The following GRID1 variants were observed in gnomAD, a reference collection of about 807,000 sequenced individuals.
GRID1 encodes glutamate ionotropic receptor delta type subunit 1, also known as glutamate receptor ionotropic, delta-1.
Under a neutral mutation model 98.0 loss-of-function variants are expected in GRID1, and 28 were observed. The ratio of observed to expected loss-of-function variants is 0.29; its 90% CI spans 0.21 to 0.39. GRID1 has a LOEUF of 0.39. GRID1 is among the 10% of genes least tolerant of loss of function. The probability of loss-of-function intolerance (pLI) is 1.00; values close to 1 mark genes in which losing one functional copy is unlikely to be tolerated. For missense variants in GRID1, 1,111 were observed against 1,340.5 expected (o/e 0.83, Z 2.67); for synonymous variants, 553 against 538.5 (o/e 1.03, Z -0.37).
chr10:86,118,575 G>C (rs1365836095), intron 4 of GRID1, among the ~76,000 whole-genome samples: 1 of 152,190 alleles, frequency 6.6e-6, no homozygotes, highest in East Asian at 1.9e-4. Context: ...CCACTCTTGA[G>C]AGATGGAGTG....
At chr10:86,274,360 G>C (rs532735531) in intron 2 of GRID1, among the ~76,000 whole-genome samples, 3 of 152,270 alleles carry the variant, frequency 2.0e-5, no homozygotes, top group Admixed American at 6.5e-5. Flanking sequence ...CTCCAGCTTT[G>C]TTCTTTTGGC....
intron 12 of GRID1, among the ~76,000 whole-genome samples, chr10:85,708,352 C>T (rs1172457213): frequency 1.3e-5 from 2 of 150,556 alleles, no homozygotes; most frequent in Non-Finnish European, 3.0e-5. Flanking sequence ...TGCAGTGAGC[C>T]GAGATTGTGC....
chr10:85,882,176 G>C (rs926541904), intron 5 of GRID1, among the ~76,000 whole-genome samples: 8 of 152,190 alleles, frequency 5.3e-5, no homozygotes, highest in African/African-American at 1.9e-4. Context: ...CCATTGGTGG[G>C]ACTGTAAACT....
intron 3 of GRID1, among the ~76,000 whole-genome samples, chr10:86,173,500 T>G (rs1402495395): frequency 6.6e-6 from 1 of 152,164 alleles, no homozygotes; most frequent in Non-Finnish European, 1.5e-5. Flanking sequence ...AGTCTATACA[T>G]ATAGCCAATT....
At chr10:85,888,747 T>A (rs1044881431) in intron 5 of GRID1, among the ~76,000 whole-genome samples, 2 of 152,208 alleles carry the variant, frequency 1.3e-5, no homozygotes, top group African/African-American at 4.8e-5. Context: ...GCTTTCCTTT[T>A]GTTTTTACTA....
intron 2 of GRID1, among the ~76,000 whole-genome samples, chr10:86,291,819 A>G (rs968181770): frequency 1.3e-5 from 2 of 152,210 alleles, no homozygotes; most frequent in African/African-American, 4.8e-5. Flanking sequence ...ACACGGACAC[A>G]GCACAGCAAG....
chr10:86,299,333 T>TTC (rs1212452007), intron 2 of GRID1, among the ~76,000 whole-genome samples: 2 of 150,150 alleles, frequency 1.3e-5, no homozygotes, highest in African/African-American at 4.9e-5. Context: ...CTCTATTTCT[T>TTC]TTTTTTTTTT....
chr10:86,121,376 T>A (rs961168292), intron 4 of GRID1, among the ~76,000 whole-genome samples: 6 of 146,978 alleles, frequency 4.1e-5, no homozygotes, highest in Non-Finnish European at 6.0e-5. Flanking sequence ...AACACCACCA[T>A]CTCACCATCA....
At chr10:85,705,426 A>C (rs888875898) in intron 12 of GRID1, among the ~76,000 whole-genome samples, 5 of 152,230 alleles carry the variant, frequency 3.3e-5, no homozygotes, top group African/African-American at 1.2e-4. Flanking sequence ...TGAATCTCTG[A>C]ATAGACCAAT....
intron 4 of GRID1, among the ~76,000 whole-genome samples, chr10:85,932,341 A>G (rs1395879479): frequency 6.6e-6 from 1 of 152,198 alleles, no homozygotes; most frequent in Non-Finnish European, 1.5e-5. Flanking sequence ...TCTCCTGAGT[A>G]GCTATTACTA....
chr10:85,865,597 T>C (rs1290885502), intron 6 of GRID1, among the ~76,000 whole-genome samples: 1 of 152,054 alleles, frequency 6.6e-6, no homozygotes. Context: ...AAGTTAATAA[T>C]CCATGACATA....
intron 9 of GRID1, 129 bp downstream of exon 9, chr10:85,729,384 G>C (rs1431021437): frequency 2.5e-5 from 14 of 555,906 alleles, no homozygotes; most frequent in Non-Finnish European, 4.6e-5. Context: ...TTGAATGAAA[G>C]GCCTTATGAA....
At chr10:86,199,395 T>A (rs1485543075) in intron 3 of GRID1, among the ~76,000 whole-genome samples, 1 of 152,178 alleles carries the variant, frequency 6.6e-6, no homozygotes, top group Non-Finnish European at 1.5e-5. Flanking sequence ...TAATTTCTGA[T>A]GTCATCAAAA....
intron 2 of GRID1, among the ~76,000 whole-genome samples, chr10:86,238,902 G>A (rs528446829): frequency 1.3e-5 from 2 of 152,334 alleles, no homozygotes; most frequent in South Asian, 4.1e-4. Flanking sequence ...ACCACTACTA[G>A]GGCAGTGTGG....
chr10:86,319,740 C>T (rs1847945027), intron 2 of GRID1, among the ~76,000 whole-genome samples: 1 of 152,228 alleles, frequency 6.6e-6, no homozygotes, highest in East Asian at 1.9e-4. Flanking sequence ...CTGACGAGGA[C>T]AGGGAGCGTG....
chr10:85,942,802 G>A (rs1161455368), intron 4 of GRID1, among the ~76,000 whole-genome samples: 1 of 152,124 alleles, frequency 6.6e-6, no homozygotes, highest in Non-Finnish European at 1.5e-5. Context: ...GAGGAAGTGA[G>A]GCATAGAAAG....
At chr10:85,797,193 A>G (rs1044618444) in intron 8 of GRID1, among the ~76,000 whole-genome samples, 1 of 152,138 alleles carries the variant, frequency 6.6e-6, no homozygotes, top group South Asian at 2.1e-4. Flanking sequence ...AAAAACCTCA[A>G]AACACTGGAT....
chr10:85,599,802 A>AAAAAAAAAAAAAAAT lies in GRID1; in HGVS notation c.*2470_*2471insATTTTTTTTTTTTTT. 1 of 65,000 alleles carries AAAAAAAAAAAAAAAT rather than the reference A, an allele frequency of 1.5e-5. No homozygotes were observed. The highest frequency in any genetic ancestry group is 9.3e-5 in the African/African-American group (1 of 10,730). 4.0% of individuals were successfully genotyped at this position (65,000 alleles called of 1,614,324 possible). On this transcript the variant is annotated 3_prime_UTR_variant, in exon 16 of 16. Coordinates refer to ENST00000327946, the MANE Select transcript of GRID1 (RefSeq NM_017551.3). ...GTAGAAAATTCTAAAAAAAAAAAAA[A>AAAAAAAAAAAAAAAT]ATATATATATATATATATAAACATG...
At chr10:85,718,521 T>C (rs1395327483) in intron 12 of GRID1, among the ~76,000 whole-genome samples, 1 of 152,252 alleles carries the variant, frequency 6.6e-6, no homozygotes, top group Admixed American at 6.5e-5. Context: ...CAGAGGTTCC[T>C]GAACCTCAAT....
Sources: allele counts gnomAD v4.1 joint callset (sites outside exome capture counted in the v4.1 genomes callset), GRCh38; gene constraint gnomAD v4.1.1; transcripts MANE v1.5; gene names NCBI Gene and HGNC (gene_info 2026-07-23, HGNC 2026-07-21).